Variants in FAAH2 observed in about 807,000 individuals in gnomAD.
The protein encoded by FAAH2 is fatty-acid amide hydrolase 2.
A neutral mutation model predicts 36.9 loss-of-function variants in FAAH2; 60 were observed. That is an observed-to-expected ratio of 1.63 (90% CI 1.32 to 2.02). The LOEUF is 2.02. Ranked by LOEUF, FAAH2 falls within the 30% of genes most tolerant of loss-of-function variation. The probability of loss-of-function intolerance (pLI) is 0.00; values close to 1 mark genes in which losing one functional copy is unlikely to be tolerated. For synonymous variants in FAAH2, 214 were observed against 143.8 expected (o/e 1.49, Z -3.49); for missense variants, 689 against 397.5 (o/e 1.73, Z -6.23).
chrX:57,334,268 T>TCACACACACACACACACACACACA (rs60873866), intron 4 of FAAH2, among the ~76,000 whole-genome samples: 266 of 85,716 alleles, frequency 3.1e-3, no homozygotes, highest in South Asian at 5.0e-3. Context: ...AGATTCCGTC[T>TCACACACACACACACACACACACA]CACACACACA....
At chrX:57,409,417 G>A (rs1450702669) in intron 7 of FAAH2, among the ~76,000 whole-genome samples, 1 of 111,360 alleles carries the variant, frequency 9.0e-6, no homozygotes, top group Admixed American at 9.6e-5. Flanking sequence ...GAATAGGTCT[G>A]TAATTTTTTT....
At chrX:57,354,756 G>A (rs5914085) in intron 5 of FAAH2, among the ~76,000 whole-genome samples, 59,395 of 108,756 alleles carry the variant, frequency 0.55, 14,319 homozygotes, top group Non-Finnish European at 0.75. Flanking sequence ...ATTAATTATG[G>A]GTATTTTTTG....
intron 3 of FAAH2, among the ~76,000 whole-genome samples, chrX:57,311,271 T>C (rs747645970): frequency 1.1e-4 from 12 of 112,260 alleles, no homozygotes; most frequent in African/African-American, 3.9e-4. Context: ...TGTAGCTAAA[T>C]TAGTACTTAG....
chrX:57,464,603 T>C (rs2057018282), intron 10 of FAAH2, among the ~76,000 whole-genome samples: 1 of 100,690 alleles, frequency 9.9e-6, no homozygotes, highest in African/African-American at 3.6e-5. Context: ...ACCAATAGAA[T>C]CAACAAACAG....
At chrX:57,232,771 C>T in the FAAH2 span, among the ~76,000 whole-genome samples, 1 of 112,121 alleles carries the variant, frequency 8.9e-6, no homozygotes, top group African/African-American at 3.2e-5. Context: ...CATTGGCATG[C>T]ATGTAGTCCG....
chrX:57,382,789 C>A (rs1329167557), intron 7 of FAAH2, among the ~76,000 whole-genome samples: 2 of 111,144 alleles, frequency 1.8e-5, no homozygotes, highest in Admixed American at 9.6e-5. Flanking sequence ...CTATTCCAAT[C>A]AATAGAAAAA....
At chrX:57,353,440 A>T (rs1483034379) in intron 5 of FAAH2, among the ~76,000 whole-genome samples, 1 of 107,092 alleles carries the variant, frequency 9.3e-6, no homozygotes, top group Admixed American at 1.0e-4. Context: ...ATATACAAAA[A>T]TCAACTCAAA....
At chrX:57,316,576 T>C (rs1602249391) in intron 3 of FAAH2, among the ~76,000 whole-genome samples, 1 of 110,870 alleles carries the variant, frequency 9.0e-6, no homozygotes, top group African/African-American at 3.3e-5. Context: ...GTCACACACA[T>C]ACAACCATCT....
chrX:57,216,610 G>GTATATACATA, the FAAH2 span, among the ~76,000 whole-genome samples: 2 of 8,667 alleles, frequency 2.3e-4, no homozygotes, highest in Non-Finnish European at 5.2e-4. Flanking sequence ...ATATATATAC[G>GTATATACATA]TATATATATA....
chrX:57,121,953 G>C, the FAAH2 span: 1 of 109,044 alleles, frequency 9.2e-6, no homozygotes, highest in Non-Finnish European at 1.9e-5. Context: ...AGTTGGAACA[G>C]AGAAATTCAC....
chrX:57,438,451 G>A (rs2056465805), intron 8 of FAAH2, among the ~76,000 whole-genome samples: 1 of 108,031 alleles, frequency 9.3e-6, no homozygotes, highest in Non-Finnish European at 1.9e-5. Context: ...ACAAATAAAT[G>A]GAGAAACATC....
At chrX:57,243,618 G>A in the FAAH2 span, among the ~76,000 whole-genome samples, 1 of 112,075 alleles carries the variant, frequency 8.9e-6, no homozygotes, top group Non-Finnish European at 1.9e-5. Context: ...GGTCTGGAGT[G>A]GACCTACAGC....
At chrX:57,271,266 G>A in the FAAH2 span, among the ~76,000 whole-genome samples, 1 of 112,702 alleles carries the variant, frequency 8.9e-6, no homozygotes, top group Non-Finnish European at 1.9e-5. Flanking sequence ...GGATGCTGTG[G>A]CCAGACTGCC....
intron 5 of FAAH2, among the ~76,000 whole-genome samples, chrX:57,355,513 C>G (rs922270277): frequency 6.3e-5 from 7 of 110,957 alleles, no homozygotes; most frequent in African/African-American, 2.3e-4. Flanking sequence ...TATTTTTCCT[C>G]TGTTGTTAAA....
chrX:57,419,234 G>T (rs2055937354), intron 7 of FAAH2, among the ~76,000 whole-genome samples: 1 of 110,938 alleles, frequency 9.0e-6, no homozygotes, highest in Non-Finnish European at 1.9e-5. Context: ...TATATACCCA[G>T]TAATGGGATG....
At chrX:57,224,941 A>G in the FAAH2 span, among the ~76,000 whole-genome samples, 14 of 111,993 alleles carry the variant, frequency 1.3e-4, no homozygotes, top group South Asian at 3.7e-4. Context: ...AGGTGTTCAT[A>G]TTAGCCCTGA....
intron 7 of FAAH2, among the ~76,000 whole-genome samples, chrX:57,426,096 A>G (rs1289945892): frequency 8.9e-6 from 1 of 111,899 alleles, no homozygotes; most frequent in Non-Finnish European, 1.9e-5. Flanking sequence ...TACTGACATC[A>G]TAGAATGAGA....
chrX:57,395,674 G>C (rs2055277241), intron 7 of FAAH2, among the ~76,000 whole-genome samples: 1 of 109,390 alleles, frequency 9.1e-6, no homozygotes, highest in South Asian at 4.4e-4. Flanking sequence ...TTACATTATT[G>C]ATTTGCATAT....
the FAAH2 span, among the ~76,000 whole-genome samples, chrX:57,263,474 C>T: frequency 8.9e-6 from 1 of 111,901 alleles, no homozygotes; most frequent in Admixed American, 9.5e-5. Flanking sequence ...AGATATGCCA[C>T]ATTCACGATT....
Sources: gnomAD v4.1 joint callset for allele counts (sites outside exome capture counted in the v4.1 genomes callset) on GRCh38, gnomAD v4.1.1 for gene constraint, MANE v1.5 for transcripts, NCBI Gene and HGNC (gene_info 2026-07-23, HGNC 2026-07-21) for gene names.